Variants in MICU1 observed in about 807,000 individuals in gnomAD.
MICU1 encodes the protein calcium uptake protein 1, mitochondrial.
MICU1 carries 45 observed loss-of-function variants against 56.8 expected under a neutral mutation model. The observed-to-expected ratio is 0.79, with a 90% confidence interval of 0.62 to 1.02. The LOEUF (loss-of-function observed/expected upper bound fraction) is 1.02. MICU1 is among the 50% of genes least tolerant of loss of function. The pLI is 0.00. For synonymous variants in MICU1, 186 were observed against 195.1 expected, an observed-to-expected ratio of 0.95 and a Z score of 0.39; for missense variants, 504 against 587.1, an observed-to-expected ratio of 0.86 and a Z score of 1.46.
intron 8 of MICU1, among the ~76,000 whole-genome samples, chr10:72,443,933 T>A (rs1175656906): frequency 6.6e-6 from 1 of 151,462 alleles, no homozygotes; most frequent in Non-Finnish European, 1.5e-5. Context: ...GTATGTTTAT[T>A]GCAGCACTAT....
intron 10 of MICU1, among the ~76,000 whole-genome samples, chr10:72,383,168 C>T (rs1310766339): frequency 6.6e-6 from 1 of 151,694 alleles, no homozygotes; most frequent in East Asian, 1.9e-4. Flanking sequence ...ATTACCTGAG[C>T]CCAGGAGTTC....
intron 10 of MICU1, among the ~76,000 whole-genome samples, chr10:72,391,202 C>A (rs1016979726): frequency 6.6e-6 from 1 of 152,194 alleles, no homozygotes; most frequent in African/African-American, 2.4e-5. Flanking sequence ...GAGGCCAAGG[C>A]GGGTGGATCA....
At chr10:72,518,802 T>C (rs1051363382) in intron 5 of MICU1, among the ~76,000 whole-genome samples, 1 of 152,208 alleles carries the variant, frequency 6.6e-6, no homozygotes, top group Non-Finnish European at 1.5e-5. Context: ...TGCTTCAGTC[T>C]CCCGAGTAGC....
chr10:72,552,409 T>C (rs768793453), intron 3 of MICU1, among the ~76,000 whole-genome samples: 1 of 152,146 alleles, frequency 6.6e-6, no homozygotes, highest in Non-Finnish European at 1.5e-5. Context: ...AATTTTACAG[T>C]TGAAATAGTC....
chr10:72,530,459 G>A (rs377178171), intron 5 of MICU1, among the ~76,000 whole-genome samples: 3 of 151,330 alleles, frequency 2.0e-5, no homozygotes, highest in South Asian at 4.2e-4. Flanking sequence ...GAGAAAATCC[G>A]AACTCTTTCA....
At chr10:72,477,616 G>A in intron 6 of MICU1, 3 of 1,387,184 alleles carry the variant, frequency 2.2e-6, no homozygotes, top group Non-Finnish European at 3.0e-6. Flanking sequence ...GGGCAAGAAA[G>A]TATGTCTAGG....
intron 1 of MICU1, among the ~76,000 whole-genome samples, chr10:72,619,867 C>T (rs1842062852): frequency 6.6e-6 from 1 of 152,000 alleles, no homozygotes; most frequent in African/African-American, 2.4e-5. Flanking sequence ...GACACAAAAA[C>T]ACATGGTGAA....
intron 10 of MICU1, among the ~76,000 whole-genome samples, chr10:72,395,365 GAC>G (rs1317312014): frequency 1.3e-5 from 2 of 152,134 alleles, no homozygotes; most frequent in African/African-American, 4.8e-5. Flanking sequence ...CAGTGTGATC[GAC>G]ACAGAAGATG....
chr10:72,555,946 A>T (rs983971292), intron 3 of MICU1, among the ~76,000 whole-genome samples: 1 of 152,218 alleles, frequency 6.6e-6, no homozygotes, highest in African/African-American at 2.4e-5. Context: ...GCCCAAGGAA[A>T]ACCATGGATA....
intron 6 of MICU1, among the ~76,000 whole-genome samples, chr10:72,497,054 A>G (rs1370939209): frequency 6.6e-6 from 1 of 151,884 alleles, no homozygotes; most frequent in African/African-American, 2.4e-5. Context: ...AACAAAACAA[A>G]TAAGAGTTTT....
chr10:72,545,552 T>C (rs1411652727), intron 4 of MICU1, among the ~76,000 whole-genome samples: 2 of 152,220 alleles, frequency 1.3e-5, no homozygotes, highest in Admixed American at 6.5e-5. Context: ...TAAATTATTA[T>C]GTAAGATCTG....
chr10:72,559,050 T>C, intron 3 of MICU1, among the ~76,000 whole-genome samples: 1 of 152,052 alleles, frequency 6.6e-6, no homozygotes, highest in Non-Finnish European at 1.5e-5. Flanking sequence ...GAGCTGGGCA[T>C]GGTGGCACAC....
chr10:72,624,774 A>T (rs1842189464), intron 1 of MICU1, among the ~76,000 whole-genome samples: 1 of 152,200 alleles, frequency 6.6e-6, no homozygotes. Context: ...TCTTAAGTGG[A>T]AGAGACAATC....
rs139686676 is a variant in MICU1 at position 72,561,804 on chromosome 10, C to G, written c.330+1091G>C. On this transcript the variant is annotated intron_variant, in intron 3 of 11. Transcript: ENST00000361114. ...CTAGCCTGGGCAACAGAGGGAGACT[C>G]TGTCTCCAAAAATAAAAAAATTACT... 2.2e-3 allele frequency among the ~76,000 whole-genome samples: 342 copies of G among 152,308 alleles called. 1 individual carries two copies. Among genetic ancestry groups the G allele is most frequent in the Middle Eastern group, 6.8e-3 (2 of 294 alleles).
chr10:72,529,674 T>C (rs1839418975), intron 5 of MICU1, among the ~76,000 whole-genome samples: 1 of 151,786 alleles, frequency 6.6e-6, no homozygotes, highest in Non-Finnish European at 1.5e-5. Context: ...AATGGGAAAA[T>C]AAAGAAGGCT....
chr10:72,563,668 C>A (rs1840353695), intron 2 of MICU1, among the ~76,000 whole-genome samples: 1 of 152,174 alleles, frequency 6.6e-6, no homozygotes, highest in Admixed American at 6.5e-5. Context: ...ATGTGAATAC[C>A]CTTTAAACTA....
chr10:72,563,185 A>G, intron 2 of MICU1, 122 bp from the exon 3 acceptor site: 1 of 671,388 alleles, frequency 1.5e-6, no homozygotes, highest in Non-Finnish European at 2.2e-6. Context: ...CTACATGAAG[A>G]AGTTCCTCAA....
At chr10:72,579,319 C>T (rs547259047) in intron 1 of MICU1, among the ~76,000 whole-genome samples, 67 of 152,182 alleles carry the variant, frequency 4.4e-4, no homozygotes, top group Non-Finnish European at 7.5e-4. Context: ...GGGCCTGTTC[C>T]GCATAGACAC....
At chr10:72,379,602 T>C in intron 10 of MICU1, 1 of 424,906 alleles carries the variant, frequency 2.4e-6, no homozygotes, top group Non-Finnish European at 4.7e-6. Context: ...AAACCATTAA[T>C]TAAATAATAC....
Sources: gnomAD v4.1 joint callset for allele counts (sites outside exome capture counted in the v4.1 genomes callset) on GRCh38, gnomAD v4.1.1 for gene constraint, MANE v1.5 for transcripts, NCBI Gene and HGNC (gene_info 2026-07-23, HGNC 2026-07-21) for gene names.